Variants in WRN observed in about 807,000 individuals in gnomAD.
The protein encoded by WRN is bifunctional 3'-5' exonuclease/ATP-dependent helicase WRN.
Under a neutral mutation model 180.7 loss-of-function variants are expected in WRN, and 149 were observed. That is an observed-to-expected ratio of 0.82 (90% CI 0.72 to 0.94). WRN has a LOEUF of 0.94. Ranked by LOEUF, WRN falls within the 40% of genes least tolerant of loss-of-function variation. WRN has a pLI of 0.00. For synonymous variants in WRN, 548 were observed against 568.9 expected, an observed-to-expected ratio of 0.96 and a Z score of 0.52; for missense variants, 1,661 against 1,700.1, an observed-to-expected ratio of 0.98 and a Z score of 0.40.
chr8:31,118,987 A>C (rs1239945231), intron 20 of WRN, among the ~76,000 whole-genome samples: 1 of 152,054 alleles, frequency 6.6e-6, no homozygotes, highest in Non-Finnish European at 1.5e-5. Context: ...CCTAAAAATA[A>C]TACCATATAA....
At chr8:31,075,716 T>C (rs1813070304) in intron 7 of WRN, among the ~76,000 whole-genome samples, 1 of 145,416 alleles carries the variant, frequency 6.9e-6, no homozygotes. Flanking sequence ...TGAGACTCTG[T>C]CTCAAAAAAA....
intron 2 of WRN, among the ~76,000 whole-genome samples, 192 bp downstream of exon 2, chr8:31,058,735 C>G (rs1049484172): frequency 6.6e-6 from 1 of 152,160 alleles, no homozygotes; most frequent in African/African-American, 2.4e-5. Flanking sequence ...AATGAGAATT[C>G]TTACTGTATA....
intron 12 of WRN, 43 bp from the exon 13 acceptor site, chr8:31,088,847 T>G (rs748174121): frequency 7.2e-6 from 11 of 1,534,360 alleles, no homozygotes; most frequent in African/African-American, 2.7e-5. Context: ...CTATGTGGTG[T>G]TTTTCTACTT....
At chr8:31,057,035 AGTTT>A (rs1812300522) in intron 1 of WRN, among the ~76,000 whole-genome samples, 1 of 152,100 alleles carries the variant, frequency 6.6e-6, no homozygotes, top group South Asian at 2.1e-4. Context: ...ATAGCGATGG[AGTTT>A]GTTCTATATG....
At chr8:31,084,964 C>T (rs1813467772) in intron 10 of WRN, among the ~76,000 whole-genome samples, 1 of 151,880 alleles carries the variant, frequency 6.6e-6, no homozygotes, top group Admixed American at 6.6e-5. Flanking sequence ...TTCTTTCTTT[C>T]TCTTTGGTTC....
In WRN at chr8:31,113,438, C is replaced by A. The variant is rs191647674; in HGVS notation, c.2273+1639C>A. On this transcript the variant is annotated intron_variant, in intron 19 of 34. Coordinates refer to ENST00000298139, the MANE Select transcript of WRN (RefSeq NM_000553.6). Reference sequence around the variant, plus strand: ...ATGGATCGAATATATTCTGAGTGTTCTGGCCATTCTAGTGCTCTCTGAAGT... The same window carrying A: ...ATGGATCGAATATATTCTGAGTGTTATGGCCATTCTAGTGCTCTCTGAAGT... 2.5e-3 allele frequency among the ~76,000 whole-genome samples: 386 copies of A among 152,240 alleles called. 1 individual carries two copies. The highest frequency in any genetic ancestry group is 0.01 in the Middle Eastern group (3 of 294).
In WRN at chr8:31,064,932, A is replaced by G. The variant is rs267607007; in HGVS notation, c.373A>G (p.Lys125Glu). 4 of 1,613,542 alleles carry G rather than the reference A, an allele frequency of 2.5e-6. No individual in the cohort carries two copies. In the African/African-American group the frequency reaches 5.3e-5, roughly 22 times the overall value. The change falls in exon 5 of 35, where the codon AAA (lysine) becomes GAA (glutamate). Residue 125 changes from lysine (K) to glutamate (E), a missense_variant. By Grantham distance (56) the Lys-to-Glu change is moderately conservative (BLOSUM62 1). This residue lies in a region of WRN where 500 missense variants were observed against 504.1 expected (regional missense o/e 0.99). Coordinates refer to ENST00000298139, the MANE Select transcript of WRN (RefSeq NM_000553.6). ...SSMSVFPQGL[K>E]MLLENKAVKK... ...TGTTACAGTTTTTCCCCAGGGATTA[A>G]AAATGTTGCTTGAAAATAAAGCAGT...
At chr8:31,165,106 A>G (rs1803800865) in intron 33 of WRN, among the ~76,000 whole-genome samples, 2 of 152,106 alleles carry the variant, frequency 1.3e-5, no homozygotes, top group Admixed American at 1.3e-4. Context: ...TGAACAAAAG[A>G]CATTCTAATT....
At chr8:31,052,080 T>TCATC (rs1812096084) in intron 1 of WRN, among the ~76,000 whole-genome samples, 1 of 152,268 alleles carries the variant, frequency 6.6e-6, no homozygotes, top group Non-Finnish European at 1.5e-5. Context: ...AAAGATCATC[T>TCATC]GGCCTGTAAG....
intron 23 of WRN, among the ~76,000 whole-genome samples, chr8:31,132,038 T>C (rs1802198359): frequency 6.6e-6 from 1 of 151,740 alleles, no homozygotes; most frequent in Non-Finnish European, 1.5e-5. Context: ...AGTGGAGCTG[T>C]TCTAGCTATA....
Position 31,076,169 on chromosome 8 carries a change from CT to C in WRN, c.725-3del, listed in dbSNP as rs778493200. The C allele has an allele frequency of 1.1e-5, 18 of 1,609,342 alleles. No individual in the cohort carries two copies. The highest frequency in any genetic ancestry group is 8.8e-5 in the South Asian group (8 of 90,984). On this transcript the variant is annotated splice_region_variant and splice_polypyrimidine_tract_variant and intron_variant, in intron 7 of 34. Coordinates refer to ENST00000298139, the MANE Select transcript of WRN (RefSeq NM_000553.6). ...AAATTAATATTGATTTTTTTTCCCC[CT>C]AGAGGAAGAAATCCTACTTAGCGAC...
intron 33 of WRN, among the ~76,000 whole-genome samples, chr8:31,161,252 C>A (rs2130495238): frequency 6.6e-6 from 1 of 152,206 alleles, no homozygotes; most frequent in South Asian, 2.1e-4. Context: ...GTTAATATTG[C>A]CTCTCTTATA....
Position 31,157,475 on chromosome 8 carries a change from T to C in WRN, c.3927T>C (p.Thr1309=). The C allele has an allele frequency of 6.2e-7, 1 of 1,614,098 alleles. No individual in the cohort carries two copies. Reference sequence around the variant, plus strand: ...TTGATTTGGAGCGAGCAGGCCTGACTCCAGAGGTTCAGAAGATTATTGCTG... The same window carrying C: ...TTGATTTGGAGCGAGCAGGCCTGACCCCAGAGGTTCAGAAGATTATTGCTG... ...CPLDLERAGL[T]PEVQKIIADV... The change falls in exon 33 of 35, where the codon ACT becomes ACC. Residue 1309 remains threonine, a synonymous_variant. Transcript: ENST00000298139.
chr8:31,159,749 AG>A (rs1385633680), intron 33 of WRN, among the ~76,000 whole-genome samples: 4 of 152,080 alleles, frequency 2.6e-5, no homozygotes, highest in Non-Finnish European at 5.9e-5. Context: ...GTTCAAGACC[AG>A]CCTGGCCAAC....
At chr8:31,111,546 G>T in intron 18 of WRN, 69 bp from the exon 19 acceptor site, 1 of 1,563,168 alleles carries the variant, frequency 6.4e-7, no homozygotes, top group Non-Finnish European at 8.8e-7. Flanking sequence ...CTCTTTGTAA[G>T]AAAGCTATAG....
At chr8:31,132,218 G>A (rs1253774853) in intron 23 of WRN, 147 bp from the exon 24 acceptor site, 8 of 882,870 alleles carry the variant, frequency 9.1e-6, no homozygotes, top group Non-Finnish European at 1.0e-5. Flanking sequence ...TTACATACTC[G>A]GGTATAATGA....
chr8:31,059,100 A>G (rs1812384492), intron 2 of WRN, 53 bp from the exon 3 acceptor site: 4 of 1,300,484 alleles, frequency 3.1e-6, no homozygotes, highest in Non-Finnish European at 4.5e-6. Context: ...TTCAGTGAAC[A>G]TTTGTTATTT....
chr8:31,044,683 C>G (rs1018701659), intron 1 of WRN, among the ~76,000 whole-genome samples: 2 of 152,172 alleles, frequency 1.3e-5, no homozygotes, highest in African/African-American at 2.4e-5. Flanking sequence ...GAAATTTAAA[C>G]TACCACTGAC....
chr8:31,147,574 C>G (rs1802911857), intron 30 of WRN, 98 bp downstream of exon 30: 1 of 1,141,710 alleles, frequency 8.8e-7, no homozygotes, highest in Non-Finnish European at 1.3e-6. Flanking sequence ...CTTCCACTGT[C>G]ACATCTGGGA....
Sources: gnomAD v4.1 joint callset for allele counts (sites outside exome capture counted in the v4.1 genomes callset) on GRCh38, gnomAD v4.1.1 for gene constraint, gnomAD v4.1.1 regional missense constraint, MANE v1.5 for transcripts, NCBI Gene and HGNC (gene_info 2026-07-23, HGNC 2026-07-21) for gene names.